Variants in CPNE7 observed in about 807,000 individuals in gnomAD.
CPNE7 encodes copine 7.
Under a neutral mutation model 66.5 loss-of-function variants are expected in CPNE7, and 78 were observed. The ratio of observed to expected loss-of-function variants is 1.17; its 90% CI spans 0.98 to 1.42. CPNE7 has a LOEUF of 1.42. Ranked by LOEUF, CPNE7 falls within the 40% of genes most tolerant of loss-of-function variation. The pLI is 0.00. For synonymous variants in CPNE7, 468 were observed against 336.7 expected (o/e 1.39, Z -4.27); for missense variants, 1,012 against 776.6 (o/e 1.30, Z -3.60).
Position 89,596,658 on chromosome 16 carries a change from G to A in CPNE7, c.*37G>A. 1.3e-6 allele frequency: 2 copies of A among 1,549,548 alleles called. No homozygotes were observed. Among genetic ancestry groups the A allele is most frequent in the Non-Finnish European group, 1.7e-6 (2 of 1,155,400 alleles). On this transcript the variant is annotated 3_prime_UTR_variant, in exon 15 of 15. Transcript: ENST00000319518. ...GCGTAGGGTGGGGGCAGTGAGGAAT[G>A]GGTCCGTACAGCCTCTGTCTGCAAC...
chr16:89,583,309 TG>T, intron 2 of CPNE7: 1 of 833,686 alleles, frequency 1.2e-6, no homozygotes. Flanking sequence ...GGTTCTCACC[TG>T]GGCCTGGAGA....
Position 89,585,743 on chromosome 16 carries a change from T to A in CPNE7, c.738T>A (p.Ser246=), listed in dbSNP as rs1048172908. 2.1e-6 allele frequency: 3 copies of A among 1,459,268 alleles called. No individual in the cohort carries two copies. The African/African-American group carries it at 4.5e-5, about 22-fold the overall frequency. The allele number at this position is 1,459,268 out of a possible 1,614,324, so 90.4% of individuals were successfully genotyped here. A position where few individuals can be genotyped will look rare whatever the true frequency, so the allele number is the denominator to read the frequency against. ...AGCACGACTTCATCGGAGAATTCTC[T>A]ACCACCTTCGAGGAGATGCAGAAGG... ...RGKHDFIGEF[S]TTFEEMQKAF... The change falls in exon 7 of 15, where the codon TCT becomes TCA. Residue 246 remains serine (S), a synonymous_variant. Coordinates refer to ENST00000319518, the MANE Select transcript of CPNE7 (RefSeq NM_153636.3).
In CPNE7 at chr16:89,596,592, G is replaced by T; in HGVS notation, c.1648G>T (p.Gly550Ter). The stretch of plus-strand genomic sequence containing the variant: ...CCCGAGAAGCCTGGGTGTCCCTGCC[G>T]GAGAGGCCAGCCCAGGCTGCACACC... ...LPPRSLGVPA[G>*]EASPGCTP Residue 550 changes from glycine (G) to a stop codon, truncating the protein, a stop_gained, in exon 15 of 15, where the codon GGA becomes TGA. Coordinates refer to ENST00000319518, the MANE Select transcript of CPNE7 (RefSeq NM_153636.3). LOFTEE classifies it low-confidence loss of function (END_TRUNC). 1 of 1,606,550 alleles carries T rather than the reference G, an allele frequency of 6.2e-7. No homozygotes were observed. The highest frequency in any genetic ancestry group is 8.5e-7 in the Non-Finnish European group (1 of 1,179,352).
In CPNE7 at chr16:89,593,668, A is replaced by G. The variant is rs547565235; in HGVS notation, c.1303-1699A>G. On this transcript the variant is annotated intron_variant, in intron 13 of 14. Transcript: ENST00000319518. ...CGCCCGGCCTACCTCTTACTATTTC[A>G]GTGTATATTTCCTAAGATCAAAGAT... 8.1e-4 allele frequency among the ~76,000 whole-genome samples: 124 copies of G among 152,336 alleles called. 1 individual carries two copies. Among genetic ancestry groups the G allele is most frequent in the African/African-American group, 2.7e-3 (113 of 41,584 alleles).
chr16:89,595,677 A>G (rs2059243836), intron 14 of CPNE7, 74 bp downstream of exon 14: 6 of 1,329,230 alleles, frequency 4.5e-6, no homozygotes, highest in Non-Finnish European at 6.4e-6. Context: ...AGACCTTCCC[A>G]GGCCAGGCTC....
At chr16:89,589,806 T>C in intron 10 of CPNE7, 91 bp from the exon 11 acceptor site, 2 of 1,441,044 alleles carry the variant, frequency 1.4e-6, no homozygotes, top group Non-Finnish European at 9.6e-7. Context: ...ACCCCCAGTC[T>C]TTTGGGCGCC....
In CPNE7 at chr16:89,592,008, T is replaced by TG. The variant is rs201927099; in HGVS notation, c.1302+748_1302+749insG. Among the ~76,000 whole-genome samples, 822 of 139,034 alleles carry TG rather than the reference T, an allele frequency of 5.9e-3. 25 individuals carry two copies. Among genetic ancestry groups the TG allele is most frequent in the African/African-American group, 0.022 (747 of 33,340 alleles). 91.2% of individuals were successfully genotyped at this position (139,034 alleles called of 152,430 possible). A position where few individuals can be genotyped will look rare whatever the true frequency, so the allele number is the denominator to read the frequency against. On this transcript the variant is annotated intron_variant, in intron 13 of 14. Coordinates refer to ENST00000319518, the MANE Select transcript of CPNE7 (RefSeq NM_153636.3). ...GCCACCGTGCCCGGCATTCTTTTTT[T>TG]TGTTGTTTTTTTTTTTTGAGACGGA... is the stretch of plus-strand genomic sequence containing the variant.
intron 2 of CPNE7, chr16:89,578,829 G>A (rs1260519458): frequency 1.9e-6 from 3 of 1,585,230 alleles, no homozygotes; most frequent in Non-Finnish European, 2.6e-6. Context: ...CTTCCTTGGT[G>A]ATGCTCTCTG....
In CPNE7 at chr16:89,577,694, G is replaced by A; in HGVS notation, c.330G>A (p.Leu110=). The stretch of plus-strand genomic sequence containing the variant: ...TCAGCTGTCAGGAGGACGATTTCCT[G>A]GGGGGCATGGAGTGCACCCTGGGGC... ...SGFSCQEDDF[L]GGMECTLGQI... The change falls in exon 2 of 15, where the codon CTG becomes CTA. Residue 110 remains leucine (L), a synonymous_variant. Transcript: ENST00000319518. 6.3e-7 allele frequency: 1 copy of A among 1,599,702 alleles called. No individual in the cohort carries two copies. Among genetic ancestry groups the A allele is most frequent in the Admixed American group, 1.7e-5 (1 of 57,940 alleles).
At chr16:89,578,737 G>A (rs951048630) in intron 2 of CPNE7, 1 of 1,348,974 alleles carries the variant, frequency 7.4e-7, no homozygotes, top group Non-Finnish European at 9.5e-7. Context: ...TCCAGCCTGA[G>A]TGACAGATTG....
intron 11 of CPNE7, among the ~76,000 whole-genome samples, chr16:89,590,483 C>G (rs1246147275): frequency 6.6e-6 from 1 of 152,016 alleles, no homozygotes; most frequent in Non-Finnish European, 1.5e-5. Context: ...TGAGATCGCA[C>G]CACTGCAGTC....
chr16:89,583,453 C>G, intron 2 of CPNE7: 1 of 1,550,534 alleles, frequency 6.4e-7, no homozygotes, highest in Non-Finnish European at 8.7e-7. Context: ...GGTATGATGA[C>G]CTCTGCCTCC....
intron 8 of CPNE7, 128 bp downstream of exon 8, chr16:89,586,884 G>A (rs1030324843): frequency 2.4e-5 from 27 of 1,115,238 alleles, no homozygotes; most frequent in Non-Finnish European, 3.6e-5. Flanking sequence ...GGGGCTGAGA[G>A]ACGGGGAAGG....
rs373521038 is a variant in CPNE7, at chr16:89,595,448, C to T, written c.1384C>T (p.Arg462Cys). Reference sequence around the variant, plus strand: ...ACGGGAGGCCATTGTGCGTGCCTCACGCCTGCCCATGTCCATCATCATCGT... The same window carrying T: ...ACGGGAGGCCATTGTGCGTGCCTCATGCCTGCCCATGTCCATCATCATCGT... Reference protein sequence around the residue: ...DTREAIVRASRLPMSIIIVGV... With the variant: ...DTREAIVRASCLPMSIIIVGV... The change falls in exon 14 of 15, where the codon CGC (arginine) becomes TGC (cysteine). Residue 462 changes from arginine to cysteine, a missense_variant. By Grantham distance (180) the Arg-to-Cys change is radical. Coordinates refer to ENST00000319518, the MANE Select transcript of CPNE7 (RefSeq NM_153636.3). 49 of 1,611,972 alleles carry T rather than the reference C, an allele frequency of 3.0e-5. No individual in the cohort carries two copies. In the African/African-American group the frequency reaches 3.9e-4, roughly 13 times the overall value.
chr16:89,588,691 C>T lies in CPNE7; in HGVS notation c.944C>T (p.Thr315Ile), dbSNP rs1440143154. The change falls in exon 10 of 15, where the codon ACC (threonine) becomes ATC (isoleucine). Residue 315 changes from threonine (T) to isoleucine (I), a missense_variant. By Grantham distance (89) the Thr-to-Ile change is moderately conservative. Coordinates refer to ENST00000319518, the MANE Select transcript of CPNE7 (RefSeq NM_153636.3). ...QIHFTVAIDFTASNGDPRNSC... is the reference protein window; with the variant it reads ...QIHFTVAIDFIASNGDPRNSC... ...CCACTGCAGGTGGCCATTGACTTCA[C>T]CGCCTCCAATGGAGACCCGCGGAAC... The T allele has an allele frequency of 1.2e-5, 20 of 1,613,228 alleles. No homozygotes were observed. The highest frequency in any genetic ancestry group is 1.6e-5 in the Non-Finnish European group (19 of 1,179,948).
rs763190358 is a variant in CPNE7, at chr16:89,587,063, C to G, written c.888C>G (p.Phe296Leu). 1 of 1,580,428 alleles carries G rather than the reference C, an allele frequency of 6.3e-7. No homozygotes were observed. The highest frequency in any genetic ancestry group is 8.6e-7 in the Non-Finnish European group (1 of 1,163,142). ...ADLKFHRVYS[F>L]LDYIMGGCQI... ...GGAAGTTCCACAGGGTGTACTCCTT[C>G]CTGGACTATATCATGGGCGGCTGCC... is the stretch of plus-strand genomic sequence containing the variant. Residue 296 changes from phenylalanine (F) to leucine (L), a missense_variant, in exon 9 of 15, where the codon TTC (phenylalanine) becomes TTG (leucine). Transcript: ENST00000319518.
intron 14 of CPNE7, 67 bp downstream of exon 14, chr16:89,595,670 C>A: frequency 7.3e-7 from 1 of 1,368,864 alleles, no homozygotes; most frequent in Non-Finnish European, 1.0e-6. Context: ...CTGCCCAAGA[C>A]CTTCCCAGGC....
Position 89,595,536 on chromosome 16 carries a change from G to A in CPNE7, c.1472G>A (p.Arg491His), listed in dbSNP as rs749725040. The change falls in exon 14 of 15, where the codon CGC (arginine) becomes CAC (histidine). Residue 491 changes from arginine (R) to histidine (H), a missense_variant. Physicochemically the swap from Arg to His is conservative, Grantham distance 29 (BLOSUM62 0). Transcript: ENST00000319518. The part of the protein sequence containing the change: ...QVLDGDDGVL[R>H]SPRGEPALRD... ...CTGGACGGCGACGACGGCGTCCTGC[G>A]CTCCCCACGGGGTGAGCCCGCGCTC... The A allele has an allele frequency of 5.0e-5, 81 of 1,612,528 alleles. 1 individual carries two copies. Among genetic ancestry groups the A allele is most frequent in the African/African-American group, 2.5e-4 (19 of 75,058 alleles).
rs1477639155 is a variant in CPNE7 at position 89,589,887 on chromosome 16, T to C, written c.1062-10T>C. ...CAGGGCCTCCTGGTGACCTCCTGCCTCTCTTCCAGTGACAAGAGGTTTTCC... is the reference window on the plus strand; with the variant it reads ...CAGGGCCTCCTGGTGACCTCCTGCCCCTCTTCCAGTGACAAGAGGTTTTCC... On this transcript the variant is annotated splice_polypyrimidine_tract_variant and intron_variant, in intron 10 of 14. Coordinates refer to ENST00000319518, the MANE Select transcript of CPNE7 (RefSeq NM_153636.3). 1 of 1,613,658 alleles carries C rather than the reference T, an allele frequency of 6.2e-7. No homozygotes were observed. The highest frequency in any genetic ancestry group is 8.5e-7 in the Non-Finnish European group (1 of 1,179,920).
Sources: allele counts gnomAD v4.1 joint callset (sites outside exome capture counted in the v4.1 genomes callset), GRCh38; gene constraint gnomAD v4.1.1; transcripts MANE v1.5; gene names NCBI Gene and HGNC (gene_info 2026-07-23, HGNC 2026-07-21).